Variants in CAMTA1 observed in about 807,000 individuals in gnomAD.
The protein encoded by CAMTA1 is calmodulin-binding transcription activator 1.
Under a neutral mutation model 170.9 loss-of-function variants are expected in CAMTA1, and 27 were observed. That is an observed-to-expected ratio of 0.16 (90% confidence interval 0.12 to 0.22). CAMTA1 has a LOEUF of 0.22. Among genes scored for constraint, CAMTA1 ranks in the 10% least tolerant of loss-of-function variants. The probability of loss-of-function intolerance (pLI) is 1.00; values close to 1 mark genes in which losing one functional copy is unlikely to be tolerated. For synonymous variants in CAMTA1, 833 were observed against 891.5 expected (o/e 0.93, Z 1.17); for missense variants, 1,619 against 2,217.2 (o/e 0.73, Z 5.42).
At chr1:7,632,528 A>T (rs1405854845) in intron 6 of CAMTA1, among the ~76,000 whole-genome samples, 1 of 152,236 alleles carries the variant, frequency 6.6e-6, no homozygotes, top group Non-Finnish European at 1.5e-5. Context: ...AGTCAAACAG[A>T]TGTTGCAGCT....
intron 5 of CAMTA1, among the ~76,000 whole-genome samples, chr1:7,384,936 A>T (rs1012112258): frequency 6.6e-6 from 1 of 151,998 alleles, no homozygotes; most frequent in Admixed American, 6.6e-5. Context: ...GAGCGTGGGG[A>T]TGGGCCCAGG....
chr1:6,825,065 C>A, intron 2 of CAMTA1, 27 bp from the exon 3 acceptor site: 1 of 1,325,498 alleles, frequency 7.5e-7, no homozygotes, highest in South Asian at 1.3e-5. Flanking sequence ...ATTATTTTCT[C>A]TAAATTTATT....
chr1:7,165,620 C>T (rs553515193), intron 4 of CAMTA1, among the ~76,000 whole-genome samples: 11 of 152,180 alleles, frequency 7.2e-5, no homozygotes, highest in Middle Eastern at 3.4e-3. Context: ...TTAGTAGATA[C>T]GGGGTTTCAC....
intron 1 of CAMTA1, among the ~76,000 whole-genome samples, chr1:6,800,195 C>T (rs1178619019): frequency 6.6e-6 from 1 of 152,054 alleles, no homozygotes; most frequent in Non-Finnish European, 1.5e-5. Flanking sequence ...TGCTTTAGCC[C>T]TGGAGTTCGA....
At chr1:7,461,183 G>A (rs186089941) in intron 5 of CAMTA1, among the ~76,000 whole-genome samples, 1 of 152,282 alleles carries the variant, frequency 6.6e-6, no homozygotes, top group East Asian at 1.9e-4. Context: ...GAAGGCTCTG[G>A]GGAATCTTCC....
In CAMTA1 at chr1:7,732,403, T is replaced by C; in HGVS notation, c.2915-45T>C. On this transcript the variant is annotated intron_variant, in intron 11 of 22. Transcript: ENST00000303635. This position sits in a 1 kb window ranked among gnomAD's most constrained non-coding sequence, Gnocchi z 4.1. ...CTGGCGAGGCCACGTGTTGACTGCT[T>C]TTCTTCCAGAACACAACCTCACTCT... The C allele has an allele frequency of 1.9e-6, 3 of 1,587,296 alleles. No homozygotes were observed. The highest frequency in any genetic ancestry group is 2.6e-6 in the Non-Finnish European group (3 of 1,156,640).
chr1:7,716,733 G>A (rs191054150), intron 11 of CAMTA1, among the ~76,000 whole-genome samples: 5 of 152,276 alleles, frequency 3.3e-5, no homozygotes, highest in African/African-American at 9.6e-5. Context: ...GAATGAGCTT[G>A]GCACAACTAA....
chr1:7,647,278 A>G (rs1196019896), intron 7 of CAMTA1, among the ~76,000 whole-genome samples: 10 of 146,088 alleles, frequency 6.8e-5, no homozygotes, highest in Non-Finnish European at 1.1e-4. Context: ...AAGATCCAGA[A>G]GGGGGGGGGG....
At chr1:7,392,475 G>A (rs182495646) in intron 5 of CAMTA1, among the ~76,000 whole-genome samples, 2,239 of 147,796 alleles carry the variant, frequency 0.015, 17 homozygotes, top group Non-Finnish European at 0.024. Context: ...GGCTGGTCCC[G>A]AACTCCCAAC....
At position 7,251,556 on chromosome 1, in the gene CAMTA1, C is replaced by T. The variant is rs144434168; in HGVS notation, c.438+1930C>T. Reference sequence around the variant, plus strand: ...TGATGCATTATGTGGTGGCCTTGCCCGTGAGCTCAGCGAGTTGTCCCACTG... The same window carrying T: ...TGATGCATTATGTGGTGGCCTTGCCTGTGAGCTCAGCGAGTTGTCCCACTG... On this transcript the variant is annotated intron_variant, in intron 5 of 22. Transcript: ENST00000303635. The surrounding 1 kb of genome is among the most constrained non-coding windows in gnomAD (Gnocchi z 5.1). Among the ~76,000 whole-genome samples the T allele has an allele frequency of 2.0e-3, 309 of 152,252 alleles. No homozygotes were observed. The highest frequency in any genetic ancestry group is 0.014 in the Middle Eastern group (4 of 292).
intron 4 of CAMTA1, among the ~76,000 whole-genome samples, chr1:7,130,414 G>A (rs1278149389): frequency 6.6e-6 from 1 of 152,130 alleles, no homozygotes; most frequent in Admixed American, 6.5e-5. Flanking sequence ...GCTATTACAA[G>A]CAAAATTACA....
intron 6 of CAMTA1, among the ~76,000 whole-genome samples, chr1:7,554,517 C>T (rs1032926284): frequency 2.6e-5 from 4 of 152,226 alleles, no homozygotes; most frequent in African/African-American, 7.2e-5. Context: ...CCTGCCCAGC[C>T]TGGCCCTACA....
chr1:7,193,276 C>T (rs1314804238), intron 4 of CAMTA1, among the ~76,000 whole-genome samples: 2 of 151,494 alleles, frequency 1.3e-5, no homozygotes, highest in South Asian at 4.2e-4. Context: ...TTGCTTGAAC[C>T]AGGAGTTGGA....
intron 4 of CAMTA1, among the ~76,000 whole-genome samples, chr1:7,235,966 A>G (rs912988624): frequency 2.0e-5 from 3 of 152,170 alleles, no homozygotes; most frequent in South Asian, 2.1e-4. Flanking sequence ...ATGAGAAGCA[A>G]TTGGTTTTCA....
intron 5 of CAMTA1, among the ~76,000 whole-genome samples, chr1:7,281,304 A>G (rs1481045232): frequency 6.6e-6 from 1 of 152,220 alleles, no homozygotes; most frequent in African/African-American, 2.4e-5. Context: ...GGTTGTAGGT[A>G]TATATTTAAT....
At chr1:7,169,758 C>T (rs1649226942) in intron 4 of CAMTA1, among the ~76,000 whole-genome samples, 1 of 152,204 alleles carries the variant, frequency 6.6e-6, no homozygotes, top group Non-Finnish European at 1.5e-5. Flanking sequence ...TTGAGCTGGG[C>T]TCAAGTGATC....
At chr1:7,334,358 G>T (rs1428896305) in intron 5 of CAMTA1, among the ~76,000 whole-genome samples, 2 of 152,198 alleles carry the variant, frequency 1.3e-5, no homozygotes, top group Non-Finnish European at 2.9e-5. Flanking sequence ...GGACAGTTTT[G>T]GTTTCTGTGG....
At chr1:6,973,732 C>T (rs964098415) in intron 3 of CAMTA1, among the ~76,000 whole-genome samples, 1 of 152,138 alleles carries the variant, frequency 6.6e-6, no homozygotes, top group African/African-American at 2.4e-5. Context: ...TGGGTGACAC[C>T]GACCTTGTAA....
chr1:7,102,061 CA>C (rs1642805621), intron 4 of CAMTA1, among the ~76,000 whole-genome samples: 1 of 107,852 alleles, frequency 9.3e-6, no homozygotes, highest in African/African-American at 3.7e-5. Context: ...CACACACACA[CA>C]CACACACAGC....
Sources: gnomAD v4.1 joint callset for allele counts (sites outside exome capture counted in the v4.1 genomes callset) on GRCh38, gnomAD v4.1.1 for gene constraint, Gnocchi (gnomAD v3.1) non-coding constraint, MANE v1.5 for transcripts, NCBI Gene and HGNC (gene_info 2026-07-23, HGNC 2026-07-21) for gene names.